The following ARHGAP8 variants were observed in gnomAD, a reference collection of about 807,000 sequenced individuals.
ARHGAP8 encodes rho GTPase-activating protein 8.
ARHGAP8 carries 62 observed loss-of-function variants against 46.1 expected under a neutral mutation model. The observed-to-expected ratio is 1.34, with a 90% CI of 1.10 to 1.66. ARHGAP8 has a LOEUF of 1.66. ARHGAP8 is among the 40% of genes most tolerant of loss of function. The pLI is 0.00. For synonymous variants in ARHGAP8, 375 were observed against 243.1 expected, an observed-to-expected ratio of 1.54 and a Z score of -5.05; for missense variants, 923 against 568.4, an observed-to-expected ratio of 1.62 and a Z score of -6.34.
chr22:44,859,298 C>G (rs997955200), intron 10 of ARHGAP8, among the ~76,000 whole-genome samples: 1 of 152,146 alleles, frequency 6.6e-6, no homozygotes, highest in Non-Finnish European at 1.5e-5. Context: ...TGGGTTGGTG[C>G]TGTCCTCGAG....
chr22:44,789,141 TTTTG>T (rs1472299729), intron 2 of ARHGAP8, among the ~76,000 whole-genome samples: 44 of 152,276 alleles, frequency 2.9e-4, no homozygotes, highest in Middle Eastern at 3.4e-3. Context: ...TTTTTGGTTT[TTTTG>T]TTTGTTTGTT....
chr22:44,765,347 G>A (rs927932578), intron 1 of ARHGAP8: 5 of 152,504 alleles, frequency 3.3e-5, no homozygotes, highest in African/African-American at 9.6e-5. Context: ...GTCCAGGTGG[G>A]ACCTGGTGCC....
At chr22:44,753,206 C>A (rs1159241371) in intron 1 of ARHGAP8, among the ~76,000 whole-genome samples, 1 of 149,874 alleles carries the variant, frequency 6.7e-6, no homozygotes, top group Non-Finnish European at 1.5e-5. Context: ...TGGAACCCCC[C>A]GGGAGTTAAA....
chr22:44,768,594 A>T (rs976150326), intron 1 of ARHGAP8, among the ~76,000 whole-genome samples: 2 of 151,970 alleles, frequency 1.3e-5, no homozygotes, highest in Non-Finnish European at 2.9e-5. Flanking sequence ...GGCATGAGCC[A>T]CCGCACCTGT....
At chr22:44,797,778 G>A (rs572163357) in intron 2 of ARHGAP8, among the ~76,000 whole-genome samples, 54 of 152,266 alleles carry the variant, frequency 3.5e-4, no homozygotes, top group African/African-American at 1.3e-3. Context: ...TCATGCCAGT[G>A]TGCATGTGAG....
intron 1 of ARHGAP8, among the ~76,000 whole-genome samples, chr22:44,762,939 A>G (rs546183896): frequency 1.3e-5 from 2 of 152,232 alleles, no homozygotes; most frequent in South Asian, 4.1e-4. Context: ...GTCCCAGAGG[A>G]ACCAGCCATG....
chr22:44,861,763 G>A (rs777639880), intron 11 of ARHGAP8, among the ~76,000 whole-genome samples: 2 of 152,124 alleles, frequency 1.3e-5, no homozygotes, highest in African/African-American at 2.4e-5. Flanking sequence ...TCTGTAAGAT[G>A]GGGAGTAATG....
intron 7 of ARHGAP8, among the ~76,000 whole-genome samples, chr22:44,836,226 CT>C (rs569456225): frequency 4.0e-5 from 6 of 149,804 alleles, no homozygotes; most frequent in East Asian, 3.9e-4. Flanking sequence ...TGATCTGTAC[CT>C]TTTTTTTTTC....
chr22:44,856,976 T>C (rs2070243656), intron 10 of ARHGAP8, among the ~76,000 whole-genome samples: 2 of 142,582 alleles, frequency 1.4e-5, no homozygotes, highest in Admixed American at 6.8e-5. Flanking sequence ...GTTTTGCTCT[T>C]GTCGCAAAGG....
rs1325679397 is a variant in ARHGAP8 at position 44,768,141 on chromosome 22, C to T, written c.-72+15514C>T. Among the ~76,000 whole-genome samples, 4 of 150,712 alleles carry T rather than the reference C, an allele frequency of 2.7e-5. No individual in the cohort carries two copies. In the East Asian group the frequency reaches 6.0e-4, roughly 23 times the overall value. ...CCTCCTGAGTAACTGGTATTATAGGCGCCCACCACCACGCCCGGCTAATTT... is the reference window on the plus strand; with the variant it reads ...CCTCCTGAGTAACTGGTATTATAGGTGCCCACCACCACGCCCGGCTAATTT... On this transcript the variant is annotated intron_variant, in intron 1 of 11. Transcript: ENST00000356099.
At chr22:44,805,954 C>T (rs1928893332) in intron 3 of ARHGAP8, among the ~76,000 whole-genome samples, 1 of 152,222 alleles carries the variant, frequency 6.6e-6, no homozygotes, top group Admixed American at 6.5e-5. Flanking sequence ...TGCATTGACA[C>T]TCAGAGGATT....
At chr22:44,862,019 G>T (rs1404018197) in intron 11 of ARHGAP8, among the ~76,000 whole-genome samples, 2 of 152,184 alleles carry the variant, frequency 1.3e-5, no homozygotes, top group Non-Finnish European at 2.9e-5. Flanking sequence ...GGAGATAGTG[G>T]GGGGTTGAGG....
At chr22:44,808,970 A>T in intron 4 of ARHGAP8, 2 of 403,912 alleles carry the variant, frequency 5.0e-6, no homozygotes, top group Middle Eastern at 8.4e-4. Context: ...GGCGTTCACC[A>T]CCATGCCTAG....
chr22:44,762,351 G>A (rs1465813960), intron 1 of ARHGAP8, among the ~76,000 whole-genome samples: 4 of 151,926 alleles, frequency 2.6e-5, no homozygotes, highest in Admixed American at 6.6e-5. Flanking sequence ...TGGGAGGATC[G>A]CTTGAGCCCA....
intron 5 of ARHGAP8, among the ~76,000 whole-genome samples, chr22:44,819,601 A>AG (rs2147111916): frequency 6.6e-6 from 1 of 152,270 alleles, no homozygotes; most frequent in African/African-American, 2.4e-5. Context: ...TGAACCCGGG[A>AG]GACGGAGGTT....
chr22:44,833,551 A>G (rs1241039283), intron 7 of ARHGAP8, among the ~76,000 whole-genome samples: 1 of 151,994 alleles, frequency 6.6e-6, no homozygotes, highest in Non-Finnish European at 1.5e-5. Flanking sequence ...TTTTTCATAT[A>G]TTGCTGGATT....
chr22:44,794,956 G>A (rs781263209), intron 2 of ARHGAP8, among the ~76,000 whole-genome samples: 4 of 149,222 alleles, frequency 2.7e-5, no homozygotes, highest in East Asian at 4.0e-4. Flanking sequence ...AGGGAGGATC[G>A]TTTGAGCCCA....
rs145431642 is a variant in ARHGAP8 at position 44,845,325 on chromosome 22, C to G, written c.653C>G (p.Thr218Arg). ...CCCCCTGTGCTGAGGTTCACAGTGA[C>G]GTACCTGAGAGAGAAAGGTGAGACG... ...LIPPVLRFTVTYLREKGLRTE... is the reference protein window; with the variant it reads ...LIPPVLRFTVRYLREKGLRTE... The change falls in exon 8 of 12, where the codon ACG (threonine) becomes AGG (arginine). Residue 218 changes from threonine to arginine, a missense_variant. Transcript: ENST00000356099. 8.1e-5 allele frequency: 131 copies of G among 1,614,126 alleles called. 1 individual carries two copies. In the South Asian group the frequency reaches 1.1e-3, roughly 14 times the overall value.
intron 7 of ARHGAP8, among the ~76,000 whole-genome samples, chr22:44,825,812 G>A (rs1293660400): frequency 6.8e-6 from 1 of 146,570 alleles, no homozygotes; most frequent in African/African-American, 2.5e-5. Flanking sequence ...TGGTTGGGGG[G>A]CGCATGCTCG....
Sources: allele counts gnomAD v4.1 joint callset (sites outside exome capture counted in the v4.1 genomes callset), GRCh38; gene constraint gnomAD v4.1.1; transcripts MANE v1.5; gene names NCBI Gene and HGNC (gene_info 2026-07-23, HGNC 2026-07-21).